PLPPR4: variants seen among roughly 807,000 people sequenced by gnomAD.
PLPPR4 encodes phospholipid phosphatase-related protein type 4.
In PLPPR4, 24 loss-of-function variants were observed where a neutral mutation model predicts 56.6. The observed-to-expected ratio is 0.42, with a 90% confidence interval of 0.31 to 0.60. The LOEUF is 0.60. PLPPR4 is among the 20% of genes least tolerant of loss of function. The pLI is 0.13. For synonymous variants in PLPPR4, 326 were observed against 328.1 expected (o/e 0.99, Z 0.07); for missense variants, 654 against 885.8 (o/e 0.74, Z 3.32).
chr1:99,299,698 A>G (rs967828935), intron 4 of PLPPR4, among the ~76,000 whole-genome samples: 1 of 151,916 alleles, frequency 6.6e-6, no homozygotes, highest in African/African-American at 2.4e-5. Flanking sequence ...AAGATTGCAT[A>G]TGTTTTCTTT....
Position 99,306,837 on chromosome 1 carries a change from C to T in PLPPR4, c.1975C>T (p.Pro659Ser), listed in dbSNP as rs1185552049. Residue 659 changes from proline to serine, a missense_variant, in exon 7 of 7, where the codon CCA becomes TCA. Pro to Ser is a moderately conservative substitution (Grantham distance 74). Coordinates refer to ENST00000370185, the MANE Select transcript of PLPPR4 (RefSeq NM_014839.5). The surrounding 1 kb of genome is among the most constrained non-coding windows in gnomAD (Gnocchi z 4.0). Reference sequence around the variant, plus strand: ...CGGAATTACCACCATCCGCGTCACCCCAGTAGAGGGCAGCGAAATTGGCTC... The same window carrying T: ...CGGAATTACCACCATCCGCGTCACCTCAGTAGAGGGCAGCGAAATTGGCTC... ...HHGITTIRVT[P>S]VEGSEIGSET... 1.9e-6 allele frequency: 3 copies of T among 1,613,970 alleles called. No homozygotes were observed. In the African/African-American group the frequency reaches 4.0e-5, roughly 22 times the overall value.
At chr1:99,280,883 G>A (rs1024356724) in intron 1 of PLPPR4, among the ~76,000 whole-genome samples, 1 of 152,054 alleles carries the variant, frequency 6.6e-6, no homozygotes. Context: ...GCAGATCAAG[G>A]CCATATTTTA....
intron 2 of PLPPR4, among the ~76,000 whole-genome samples, chr1:99,296,410 C>T (rs147934669): frequency 0.011 from 1,652 of 152,228 alleles, 13 homozygotes; most frequent in Non-Finnish European, 0.018. Flanking sequence ...CTATAGAAAG[C>T]ACCTTTCTAC....
intron 6 of PLPPR4, among the ~76,000 whole-genome samples, chr1:99,302,604 G>T (rs943985196): frequency 1.3e-5 from 2 of 150,334 alleles, no homozygotes; most frequent in African/African-American, 4.9e-5. Context: ...ATGCTGGTGT[G>T]CTGCACCCAT....
At chr1:99,273,593 A>G (rs1012198921) in intron 1 of PLPPR4, among the ~76,000 whole-genome samples, 3 of 152,108 alleles carry the variant, frequency 2.0e-5, no homozygotes, top group African/African-American at 7.2e-5. Flanking sequence ...ATGTTCTTCA[A>G]TAAGGAATGC....
intron 2 of PLPPR4, among the ~76,000 whole-genome samples, chr1:99,294,032 C>G (rs555587610): frequency 2.8e-4 from 42 of 150,996 alleles, no homozygotes; most frequent in Non-Finnish European, 5.6e-4. Context: ...AATGCAACAG[C>G]AACAAATAAT....
At chr1:99,292,904 C>T (rs991889165) in intron 2 of PLPPR4, among the ~76,000 whole-genome samples, 2 of 151,998 alleles carry the variant, frequency 1.3e-5, no homozygotes, top group African/African-American at 4.8e-5. Flanking sequence ...CCTACATATA[C>T]AGCTATGCTA....
At chr1:99,264,192 C>G, upstream of PLPPR4, 1 of 522,546 alleles carries the variant, frequency 1.9e-6, no homozygotes, top group Non-Finnish European at 3.3e-6. Context: ...ACTGCAGAAA[C>G]CAGGAGTGCG....
At chr1:99,286,588 G>A (rs1046680513) in intron 1 of PLPPR4, among the ~76,000 whole-genome samples, 3 of 152,136 alleles carry the variant, frequency 2.0e-5, no homozygotes, top group Non-Finnish European at 4.4e-5. Flanking sequence ...TCTACCTTGG[G>A]TAAAGCGTGC....
intron 2 of PLPPR4, among the ~76,000 whole-genome samples, chr1:99,294,589 G>A (rs1301755619): frequency 6.6e-6 from 1 of 151,762 alleles, no homozygotes; most frequent in Non-Finnish European, 1.5e-5. Context: ...CCAGCTACTT[G>A]GGAGGCTGAG....
chr1:99,302,408 T>G (rs1197067435), intron 6 of PLPPR4, among the ~76,000 whole-genome samples: 1 of 152,156 alleles, frequency 6.6e-6, no homozygotes, highest in South Asian at 2.1e-4. Context: ...CATTTTGTCA[T>G]GCATGCATGC....
chr1:99,285,469 G>T (rs557256589), intron 1 of PLPPR4, among the ~76,000 whole-genome samples: 2 of 152,160 alleles, frequency 1.3e-5, no homozygotes, highest in South Asian at 2.1e-4. Flanking sequence ...TATAGGAGAG[G>T]GAAGTAGTGA....
intron 2 of PLPPR4, among the ~76,000 whole-genome samples, chr1:99,288,739 A>T (rs996182565): frequency 4.6e-5 from 7 of 152,290 alleles, no homozygotes; most frequent in African/African-American, 1.7e-4. Flanking sequence ...TATGTTCATG[A>T]ATTCAAAATA....
At chr1:99,294,020 C>T (rs980002049) in intron 2 of PLPPR4, among the ~76,000 whole-genome samples, 1 of 150,854 alleles carries the variant, frequency 6.6e-6, no homozygotes, top group African/African-American at 2.4e-5. Flanking sequence ...TTTCTGTTTA[C>T]AAATGCAACA....
chr1:99,273,580 T>C (rs548982284), intron 1 of PLPPR4, among the ~76,000 whole-genome samples: 1 of 152,228 alleles, frequency 6.6e-6, no homozygotes, highest in South Asian at 2.1e-4. Flanking sequence ...GATCTTTTAT[T>C]AAATGTTCTT....
intron 1 of PLPPR4, among the ~76,000 whole-genome samples, chr1:99,286,407 A>G (rs1191045970): frequency 6.6e-6 from 1 of 152,220 alleles, no homozygotes; most frequent in Non-Finnish European, 1.5e-5. Flanking sequence ...GGACTTATAA[A>G]TAACACTGGC....
At chr1:99,288,263 A>C in intron 2 of PLPPR4, 113 bp downstream of exon 2, 1 of 874,266 alleles carries the variant, frequency 1.1e-6, no homozygotes, top group Non-Finnish European at 1.7e-6. Flanking sequence ...ATCCTAAATC[A>C]AAGTCATGTC....
chr1:99,289,371 T>C (rs149593005), intron 2 of PLPPR4, among the ~76,000 whole-genome samples: 27 of 152,296 alleles, frequency 1.8e-4, no homozygotes, highest in African/African-American at 6.3e-4. Flanking sequence ...AATTATAATA[T>C]GCTGTTTACA....
In PLPPR4 at chr1:99,308,625, G is replaced by T. The variant is rs902030024; in HGVS notation, c.*1615G>T. On this transcript the variant is annotated 3_prime_UTR_variant, in exon 7 of 7. Coordinates refer to ENST00000370185, the MANE Select transcript of PLPPR4 (RefSeq NM_014839.5). The stretch of plus-strand genomic sequence containing the variant: ...AGCTCACTTTCCAATAACAGAAGGA[G>T]TTGTTTACAGATGAATAGTATCACA... 1.2e-4 allele frequency: 18 copies of T among 152,610 alleles called. No homozygotes were observed. Among genetic ancestry groups the T allele is most frequent in the Non-Finnish European group, 4.4e-5 (3 of 68,030 alleles). The allele number at this position is 152,610 out of a possible 1,614,324, so 9.5% of individuals were successfully genotyped here.
Sources: gnomAD v4.1 joint callset for allele counts (sites outside exome capture counted in the v4.1 genomes callset) on GRCh38, gnomAD v4.1.1 for gene constraint, Gnocchi (gnomAD v3.1) non-coding constraint, MANE v1.5 for transcripts, NCBI Gene and HGNC (gene_info 2026-07-23, HGNC 2026-07-21) for gene names.